Variants in RAG1 observed in about 807,000 individuals in gnomAD.
RAG1 encodes recombination activating 1.
A neutral mutation model predicts 62.7 loss-of-function variants in RAG1; 35 were observed. The ratio of observed to expected loss-of-function variants is 0.56; its 90% CI spans 0.43 to 0.74. The LOEUF (loss-of-function observed/expected upper bound fraction) is 0.74. Among genes scored for constraint, RAG1 ranks in the 30% least tolerant of loss-of-function variants. RAG1 has a pLI of 0.00. For synonymous variants in RAG1, 461 were observed against 470.3 expected, an observed-to-expected ratio of 0.98 and a Z score of 0.26; for missense variants, 1,169 against 1,278.6, an observed-to-expected ratio of 0.91 and a Z score of 1.31.
At chr11:36,512,314 C>T (rs1379398779) in intron 1 of RAG1, among the ~76,000 whole-genome samples, 1 of 152,212 alleles carries the variant, frequency 6.6e-6, no homozygotes, top group Non-Finnish European at 1.5e-5. Flanking sequence ...AGAGATGTAT[C>T]ACTCAGTTGA....
chr11:36,517,876 T>C (rs947767892), intron 1 of RAG1, among the ~76,000 whole-genome samples: 2 of 152,118 alleles, frequency 1.3e-5, no homozygotes, highest in African/African-American at 4.8e-5. Flanking sequence ...TTAGGGTACA[T>C]GTGCACAACG....
intron 1 of RAG1, among the ~76,000 whole-genome samples, chr11:36,572,279 A>G (rs1473993871): frequency 6.6e-6 from 1 of 152,204 alleles, no homozygotes. Flanking sequence ...GGAAAGATTG[A>G]TCTAATTGGG....
At chr11:36,530,666 C>T (rs1430374793) in intron 2 of RAG1, among the ~76,000 whole-genome samples, 1 of 151,816 alleles carries the variant, frequency 6.6e-6, no homozygotes, top group Non-Finnish European at 1.5e-5. Flanking sequence ...TCTAGTTTAA[C>T]TTCATTTTAG....
At chr11:36,540,625 C>G (rs562305615), downstream of RAG1, among the ~76,000 whole-genome samples, 2 of 152,244 alleles carry the variant, frequency 1.3e-5, no homozygotes, top group African/African-American at 2.4e-5. Context: ...CCAGGATGGT[C>G]TCGATCTCCT....
At chr11:36,531,414 T>C (rs1052718350) in intron 2 of RAG1, among the ~76,000 whole-genome samples, 1 of 151,956 alleles carries the variant, frequency 6.6e-6, no homozygotes, top group Non-Finnish European at 1.5e-5. Context: ...CTTTTTTCTG[T>C]GAATTGCTTA....
chr11:36,544,914 G>A (rs1850371327), intron 3 of RAG1, among the ~76,000 whole-genome samples: 1 of 152,154 alleles, frequency 6.6e-6, no homozygotes, highest in Non-Finnish European at 1.5e-5. Flanking sequence ...TGCCATGATT[G>A]TAAGTTTCCT....
At chr11:36,569,594 A>C (rs1051260342) in intron 1 of RAG1, among the ~76,000 whole-genome samples, 8 of 152,258 alleles carry the variant, frequency 5.3e-5, no homozygotes, top group African/African-American at 7.2e-5. Flanking sequence ...GGGGAAATTT[A>C]GAAGAAAATA....
At position 36,573,949 on chromosome 11, in the gene RAG1, C is replaced by T. The variant is rs750341788; in HGVS notation, c.645C>T (p.Asn215=). 2 of 1,614,148 alleles carry T rather than the reference C, an allele frequency of 1.2e-6. No homozygotes were observed. Among genetic ancestry groups the T allele is most frequent in the Admixed American group, 3.3e-5 (2 of 60,020 alleles). ...ACACACCATCCTGTGACATCTGCAACACTGCCCGTCGGGGACTCAAGAGGA... is the reference window on the plus strand; with the variant it reads ...ACACACCATCCTGTGACATCTGCAATACTGCCCGTCGGGGACTCAAGAGGA... ...HPHTPSCDIC[N]TARRGLKRKS... is the part of the protein sequence containing the mutation. Residue 215 remains asparagine, a synonymous_variant, in exon 2 of 2, where the codon AAC becomes AAT. Transcript: ENST00000299440.
At chr11:36,535,512 G>T (rs1331807606) in intron 2 of RAG1, among the ~76,000 whole-genome samples, 1 of 152,132 alleles carries the variant, frequency 6.6e-6, no homozygotes, top group Non-Finnish European at 1.5e-5. Context: ...GAGTGGCCAA[G>T]GTGGGCAAAT....
downstream of RAG1, among the ~76,000 whole-genome samples, chr11:36,540,145 G>C (rs990795394): frequency 6.6e-6 from 1 of 152,128 alleles, no homozygotes; most frequent in East Asian, 1.9e-4. Context: ...AAACAGAGTC[G>C]AGAAGCCGGG....
At position 36,548,259 on chromosome 11, in the gene RAG1, T is replaced by G. The variant is rs575864037; in HGVS notation, c.-412+12225T>G. ...TCACCACTCCTATTCAACATAGTAT[T>G]GGAAGTTCTGGCCAAGGCAATCAGG... On this transcript the variant is annotated intron_variant and NMD_transcript_variant, in intron 3 of 9. Transcript: ENST00000534663. Among the ~76,000 whole-genome samples, 72 of 152,322 alleles carry G rather than the reference T, an allele frequency of 4.7e-4. No homozygotes were observed. In the South Asian group the frequency reaches 0.014, roughly 31 times the overall value.
At chr11:36,550,141 A>G (rs1850461861) in intron 3 of RAG1, among the ~76,000 whole-genome samples, 2 of 152,154 alleles carry the variant, frequency 1.3e-5, no homozygotes, top group South Asian at 4.1e-4. Flanking sequence ...GAGGGATAGC[A>G]TTAGGAGAAA....
At position 36,573,696 on chromosome 11, in the gene RAG1, G is replaced by A. The variant is rs1797501859; in HGVS notation, c.392G>A (p.Gly131Asp). Reference protein sequence around the residue: ...DEHNRRYPVHGPVDGKTLGLL... With the variant: ...DEHNRRYPVHDPVDGKTLGLL... ...CACAACAGGAGATATCCAGTCCATG[G>A]TCCTGTGGATGGTAAAACCCTAGGC... The change falls in exon 2 of 2, where the codon GGT becomes GAT. Residue 131 changes from glycine (G) to aspartate (D), a missense_variant. By Grantham distance (94) the Gly-to-Asp change is moderately conservative. Coordinates refer to ENST00000299440, the MANE Select transcript of RAG1 (RefSeq NM_000448.3). 1 of 1,614,060 alleles carries A rather than the reference G, an allele frequency of 6.2e-7. No individual in the cohort carries two copies.
Position 36,576,357 on chromosome 11 carries a change from C to T in RAG1, c.3053C>T (p.Thr1018Ile), listed in dbSNP as rs748782315. The change falls in exon 2 of 2, where the codon ACC (threonine) becomes ATC (isoleucine). Residue 1018 changes from threonine (T) to isoleucine (I), a missense_variant. Physicochemically the swap from Thr to Ile is moderately conservative, Grantham distance 89 (BLOSUM62 -1). Transcript: ENST00000299440. ...AHNALKTSGF[T>I]MNPQASLGDP... ...AATGCATTAAAAACCTCTGGGTTTA[C>T]CATGAACCCTCAGGCAAGCTTAGGG... is the stretch of plus-strand genomic sequence containing the variant. The T allele has an allele frequency of 4.3e-6, 7 of 1,614,126 alleles. No individual in the cohort carries two copies. The South Asian group carries it at 7.7e-5, about 18-fold the overall frequency.
chr11:36,540,842 GTC>G (rs1483780099), downstream of RAG1, among the ~76,000 whole-genome samples: 1 of 152,082 alleles, frequency 6.6e-6, no homozygotes, highest in East Asian at 1.9e-4. Flanking sequence ...TCAGAGATTC[GTC>G]TCTCCATTTT....
chr11:36,574,424 C>T lies in RAG1; in HGVS notation c.1120C>T (p.His374Tyr). ...GGAGGTCAGTTTGGAAAAATATAAT[C>T]ACCACATCTCAAGTCACAAGGAATC... ...NEEVSLEKYN[H>Y]HISSHKESKE... is the part of the protein sequence containing the mutation. Residue 374 changes from histidine (H) to tyrosine (Y), a missense_variant, in exon 2 of 2, where the codon CAC becomes TAC. This residue lies in a region of RAG1 where 800 missense variants were observed against 943.3 expected (regional missense o/e 0.85). Transcript: ENST00000299440. 6.2e-7 allele frequency: 1 copy of T among 1,614,216 alleles called. No homozygotes were observed. The highest frequency in any genetic ancestry group is 8.5e-7 in the Non-Finnish European group (1 of 1,180,038).
At position 36,528,083 on chromosome 11, in the gene RAG1, T is replaced by C. The variant is rs1472417679; in HGVS notation, n.428+7854T>C. 2.6e-5 allele frequency among the ~76,000 whole-genome samples: 4 copies of C among 152,174 alleles called. No homozygotes were observed. In the South Asian group the frequency reaches 8.3e-4, roughly 32 times the overall value. On this transcript the variant is annotated intron_variant and non_coding_transcript_variant, in intron 2 of 2. Transcript: ENST00000529126. The stretch of plus-strand genomic sequence containing the variant: ...ACACCCACTGTCAATATTAGACAGA[T>C]CAATGAGACAAAAAATTAATGATAT...
intron 2 of RAG1, among the ~76,000 whole-genome samples, chr11:36,525,781 A>T (rs1326030023): frequency 6.6e-6 from 1 of 152,068 alleles, no homozygotes; most frequent in Non-Finnish European, 1.5e-5. Flanking sequence ...CTCACTTTTT[A>T]AATTCTAGGA....
intron 3 of RAG1, among the ~76,000 whole-genome samples, chr11:36,549,627 G>T (rs1397977255): frequency 6.6e-6 from 1 of 152,220 alleles, no homozygotes; most frequent in East Asian, 1.9e-4. Flanking sequence ...AGATGCTGGA[G>T]AGGATGTGGA....
Sources: gnomAD v4.1 joint callset for allele counts (sites outside exome capture counted in the v4.1 genomes callset) on GRCh38, gnomAD v4.1.1 for gene constraint, gnomAD v4.1.1 regional missense constraint, MANE v1.5 for transcripts, NCBI Gene and HGNC (gene_info 2026-07-23, HGNC 2026-07-21) for gene names.